The following HSD17B4 variants were observed in gnomAD, a reference collection of about 807,000 sequenced individuals.
HSD17B4 encodes hydroxysteroid 17-beta dehydrogenase 4.
HSD17B4 carries 70 observed loss-of-function variants against 101.0 expected under a neutral mutation model. That is an observed-to-expected ratio of 0.69 (90% confidence interval 0.57 to 0.85). HSD17B4 has a LOEUF of 0.85. Among genes scored for constraint, HSD17B4 ranks in the 40% least tolerant of loss-of-function variants. The pLI is 0.00. For synonymous variants in HSD17B4, 347 were observed against 297.1 expected (o/e 1.17, Z -1.73); for missense variants, 984 against 892.4 (o/e 1.10, Z -1.31).
intron 10 of HSD17B4, chr5:119,493,261 G>A (rs960823305): frequency 1.3e-5 from 2 of 153,882 alleles, no homozygotes; most frequent in African/African-American, 4.8e-5. Flanking sequence ...TTATGCAGCA[G>A]TAATGGTTTT....
At chr5:119,458,603 C>T (rs1754911370) in intron 2 of HSD17B4, among the ~76,000 whole-genome samples, 1 of 151,326 alleles carries the variant, frequency 6.6e-6, no homozygotes, top group African/African-American at 2.4e-5. Flanking sequence ...TGGCATGTCA[C>T]TTCTACCGAC....
chr5:119,455,843 A>G (rs1754579585), intron 1 of HSD17B4, among the ~76,000 whole-genome samples: 1 of 152,166 alleles, frequency 6.6e-6, no homozygotes, highest in Admixed American at 6.5e-5. Flanking sequence ...CAGCCCAAGT[A>G]GCACTGGCAC....
chr5:119,509,239 G>A lies in HSD17B4; in HGVS notation c.1432G>A (p.Val478Ile), dbSNP rs772553851. The change falls in exon 16 of 24, where the codon GTC (valine) becomes ATC (isoleucine). Residue 478 changes from valine to isoleucine, a missense_variant. Val to Ile is a conservative substitution (Grantham distance 29, BLOSUM62 3). Transcript: ENST00000510025. ...TGGTGGAAAACGGACATCAGACAAAGTCAAGGTAAGCCATGACTTTGTAAG... is the reference window on the plus strand; with the variant it reads ...TGGTGGAAAACGGACATCAGACAAAATCAAGGTAAGCCATGACTTTGTAAG... ...GFGGKRTSDK[V>I]KVAVAIPNRP... The A allele has an allele frequency of 1.3e-6, 2 of 1,579,532 alleles. No homozygotes were observed. Among genetic ancestry groups the A allele is most frequent in the Non-Finnish European group, 1.7e-6 (2 of 1,148,432 alleles).
At chr5:119,538,182 G>A (rs1174166043) in intron 23 of HSD17B4, among the ~76,000 whole-genome samples, 1 of 152,092 alleles carries the variant, frequency 6.6e-6, no homozygotes, top group Non-Finnish European at 1.5e-5. Context: ...TTAATTAGTG[G>A]CACCATCATC....
At chr5:119,467,940 G>A (rs1268687836) in intron 2 of HSD17B4, among the ~76,000 whole-genome samples, 1 of 152,096 alleles carries the variant, frequency 6.6e-6, no homozygotes. Flanking sequence ...AGCAAAGTGA[G>A]TTTCTTGTAG....
At chr5:119,480,319 C>T (rs1749001331) in intron 8 of HSD17B4, among the ~76,000 whole-genome samples, 1 of 151,828 alleles carries the variant, frequency 6.6e-6, no homozygotes, top group African/African-American at 2.4e-5. Flanking sequence ...TACGTAGGTT[C>T]TTTTCTATTT....
rs534418980 is a variant in HSD17B4 at position 119,537,834 on chromosome 5, T to C, written c.2121+1284T>C. Among the ~76,000 whole-genome samples, 248 of 152,252 alleles carry C rather than the reference T, an allele frequency of 1.6e-3. 6 individuals carry two copies. The South Asian group carries it at 0.048, about 30-fold the overall frequency. ...AACACACAGCCACTAGATCTGGTTC[T>C]CCAGCTGTTGTTTGCCAACCCTTGA... On this transcript the variant is annotated intron_variant, in intron 23 of 23. Transcript: ENST00000510025.
At chr5:119,534,842 G>T (rs931699033) in intron 22 of HSD17B4, among the ~76,000 whole-genome samples, 3 of 152,076 alleles carry the variant, frequency 2.0e-5, no homozygotes, top group Non-Finnish European at 4.4e-5. Flanking sequence ...ACTAACAGCA[G>T]CTCCTGACTG....
Position 119,495,474 on chromosome 5 carries a change from A to C in HSD17B4, c.869-1069A>C, listed in dbSNP as rs892064462. 5.3e-5 allele frequency among the ~76,000 whole-genome samples: 8 copies of C among 152,280 alleles called. No homozygotes were observed. In the East Asian group the frequency reaches 1.4e-3, roughly 26 times the overall value. ...GGAACTAAATCCCAGGAAAACCTAA[A>C]CTAGCCAGTGTTTGAGCCAAGAAGT... On this transcript the variant is annotated intron_variant, in intron 11 of 23. Coordinates refer to ENST00000510025, the MANE Select transcript of HSD17B4 (RefSeq NM_000414.4).
At chr5:119,512,739 C>G (rs1752289602) in intron 16 of HSD17B4, among the ~76,000 whole-genome samples, 2 of 152,210 alleles carry the variant, frequency 1.3e-5, no homozygotes, top group African/African-American at 4.8e-5. Flanking sequence ...TAGCAAGTGA[C>G]CACATACTGT....
intron 2 of HSD17B4, among the ~76,000 whole-genome samples, chr5:119,458,166 A>G (rs1317542274): frequency 6.6e-6 from 1 of 152,220 alleles, no homozygotes; most frequent in African/African-American, 2.4e-5. Flanking sequence ...AAAATATTTC[A>G]TAAACTTGAA....
intron 6 of HSD17B4, 97 bp downstream of exon 6, chr5:119,475,967 A>G (rs1197501787): frequency 2.0e-5 from 17 of 869,294 alleles, no homozygotes; most frequent in African/African-American, 8.3e-5. Context: ...ACCTGCTTCT[A>G]TCTACTTTTG....
chr5:119,460,463 G>C (rs1262746433), intron 2 of HSD17B4, among the ~76,000 whole-genome samples: 1 of 152,074 alleles, frequency 6.6e-6, no homozygotes, highest in Admixed American at 6.5e-5. Flanking sequence ...TCACCAATCT[G>C]GATTATGGGG....
chr5:119,484,368 T>C (rs139197049), intron 8 of HSD17B4, among the ~76,000 whole-genome samples: 142 of 152,336 alleles, frequency 9.3e-4, no homozygotes, highest in African/African-American at 3.0e-3. Flanking sequence ...TCCATTGATC[T>C]GTGTGCCTGT....
At position 119,509,181 on chromosome 5, in the gene HSD17B4, G is replaced by T; in HGVS notation, c.1374G>T (p.Gln458His). 1 of 1,608,072 alleles carries T rather than the reference G, an allele frequency of 6.2e-7. No homozygotes were observed. Among genetic ancestry groups the T allele is most frequent in the South Asian group, 1.1e-5 (1 of 90,970 alleles). ...AGAAGGAACTTATATGCCACAATCA[G>T]TTCTCTCTCTTTCTTGTTGGCTCTG... is the stretch of plus-strand genomic sequence containing the variant. ...YSEKELICHNQFSLFLVGSGG... is the reference protein window; with the variant it reads ...YSEKELICHNHFSLFLVGSGG... Residue 458 changes from glutamine to histidine, a missense_variant, in exon 16 of 24, where the codon CAG becomes CAT. Physicochemically the swap from Gln to His is conservative, Grantham distance 24 (BLOSUM62 0). Transcript: ENST00000510025.
intron 13 of HSD17B4, among the ~76,000 whole-genome samples, chr5:119,501,139 A>G (rs964317471): frequency 3.3e-5 from 5 of 152,144 alleles, no homozygotes; most frequent in African/African-American, 1.2e-4. Context: ...GTAAATGCAA[A>G]AAATTAAAAC....
At chr5:119,460,749 A>AG (rs1190903665) in intron 2 of HSD17B4, among the ~76,000 whole-genome samples, 3 of 152,254 alleles carry the variant, frequency 2.0e-5, no homozygotes, top group African/African-American at 7.2e-5. Context: ...GGAGTAGTGG[A>AG]GGGACAGATA....
chr5:119,505,329 T>C (rs1396333030), intron 14 of HSD17B4, among the ~76,000 whole-genome samples: 3 of 152,156 alleles, frequency 2.0e-5, no homozygotes, highest in African/African-American at 7.2e-5. Context: ...TGCAGATTGC[T>C]TTGAGTAGTA....
chr5:119,455,564 C>CTATATATATATATATATATATA (rs1366517649), intron 1 of HSD17B4, among the ~76,000 whole-genome samples: 3 of 126,194 alleles, frequency 2.4e-5, no homozygotes, highest in African/African-American at 8.7e-5. Context: ...CTCTCTCTCT[C>CTATATATATATATATATATATA]TCTCTATATA....
Sources: allele counts gnomAD v4.1 joint callset (sites outside exome capture counted in the v4.1 genomes callset), GRCh38; gene constraint gnomAD v4.1.1; transcripts MANE v1.5; gene names NCBI Gene and HGNC (gene_info 2026-07-23, HGNC 2026-07-21).